Variants in MYO5B observed in about 807,000 individuals in gnomAD.
MYO5B encodes unconventional myosin-Vb.
A neutral mutation model predicts 229.3 loss-of-function variants in MYO5B; 143 were observed. The ratio of observed to expected loss-of-function variants is 0.62; its 90% CI spans 0.54 to 0.72. The LOEUF is 0.72. MYO5B is among the 30% of genes least tolerant of loss of function. The pLI is 0.00. For missense variants in MYO5B, 2,321 were observed against 2,331.0 expected, an observed-to-expected ratio of 1.00 and a Z score of 0.09; for synonymous variants, 918 against 885.2, an observed-to-expected ratio of 1.04 and a Z score of -0.66.
At chr18:49,887,843 G>A (rs2024661995) in intron 22 of MYO5B, among the ~76,000 whole-genome samples, 1 of 98,548 alleles carries the variant, frequency 1.0e-5, no homozygotes, top group Non-Finnish European at 2.4e-5. Flanking sequence ...ACCAAGCCCG[G>A]CTAATTTTTT....
rs201441660 is a variant in MYO5B at position 49,868,517 on chromosome 18, T to C, written c.3603+3650A>G. Among the ~76,000 whole-genome samples, 31 of 152,340 alleles carry C rather than the reference T, an allele frequency of 2.0e-4. No homozygotes were observed. The South Asian group carries it at 2.7e-3, about 13-fold the overall frequency. On this transcript the variant is annotated intron_variant, in intron 27 of 39. Coordinates refer to ENST00000285039, the MANE Select transcript of MYO5B (RefSeq NM_001080467.3). ...CTGATTTGAATCCAGCTCTGGCTGA[T>C]AGCAGGTCGATAAAGAAAAACCAAC... is the stretch of plus-strand genomic sequence containing the variant.
chr18:50,087,039 G>C (rs2031345197), intron 1 of MYO5B, among the ~76,000 whole-genome samples: 1 of 152,206 alleles, frequency 6.6e-6, no homozygotes, highest in Non-Finnish European at 1.5e-5. Flanking sequence ...AAACTGCTAA[G>C]TGAGTCTCAC....
chr18:49,983,204 T>G (rs1328205132), intron 8 of MYO5B, among the ~76,000 whole-genome samples: 1 of 152,196 alleles, frequency 6.6e-6, no homozygotes, highest in East Asian at 1.9e-4. Context: ...CTTTGCCTAC[T>G]GGTAGAATGT....
At chr18:50,046,862 G>A (rs909714860) in intron 2 of MYO5B, among the ~76,000 whole-genome samples, 30 of 152,228 alleles carry the variant, frequency 2.0e-4, no homozygotes, top group Non-Finnish European at 3.7e-4. Context: ...TTAATAAATG[G>A]TGCTGGGAAA....
chr18:50,165,472 T>A (rs2032833648), intron 1 of MYO5B, among the ~76,000 whole-genome samples: 1 of 140,864 alleles, frequency 7.1e-6, no homozygotes, highest in South Asian at 2.4e-4. Context: ...AGCATAAGAC[T>A]GTGTTTCAAA....
At position 49,878,939 on chromosome 18, in the gene MYO5B, C is replaced by T. The variant is rs2144104808; in HGVS notation, c.3276+6G>A. On this transcript the variant is annotated splice_donor_region_variant and intron_variant, in intron 24 of 39. Transcript: ENST00000285039. ...TGCCATGGCACAGCAGAAGCACCCC[C>T]CTTGCCTTTATGATGGTCATTTCAT... 5.6e-6 allele frequency: 9 copies of T among 1,614,140 alleles called. No individual in the cohort carries two copies. The highest frequency in any genetic ancestry group is 7.6e-6 in the Non-Finnish European group (9 of 1,180,012).
At chr18:49,940,292 G>C (rs2025299988) in intron 14 of MYO5B, among the ~76,000 whole-genome samples, 1 of 152,162 alleles carries the variant, frequency 6.6e-6, no homozygotes, top group Non-Finnish European at 1.5e-5. Flanking sequence ...AGAGATACCT[G>C]ACAGTACAGA....
chr18:50,124,574 A>T (rs1329464451), intron 1 of MYO5B, among the ~76,000 whole-genome samples: 1 of 152,212 alleles, frequency 6.6e-6, no homozygotes, highest in Non-Finnish European at 1.5e-5. Flanking sequence ...TTGAAGAATA[A>T]TACCCTGTAA....
Position 50,131,516 on chromosome 18 carries a change from C to G in MYO5B, c.27+63251G>C, listed in dbSNP as rs551744568. Among the ~76,000 whole-genome samples the G allele has an allele frequency of 2.6e-5, 4 of 152,228 alleles. No individual in the cohort carries two copies. The South Asian group carries it at 8.3e-4, about 32-fold the overall frequency. ...CCTACAGACACTTTCAATCAAGCCA[C>G]CTTTCTGACATTGGCCACAAGCATT... On this transcript the variant is annotated intron_variant, in intron 1 of 39. Transcript: ENST00000285039.
At chr18:49,925,892 C>A (rs1653861109) in intron 17 of MYO5B, among the ~76,000 whole-genome samples, 1 of 152,232 alleles carries the variant, frequency 6.6e-6, no homozygotes, top group Admixed American at 6.5e-5. Flanking sequence ...CACCCATTGC[C>A]TGAGCCCCAT....
chr18:49,846,828 C>T (rs975404653), intron 33 of MYO5B, among the ~76,000 whole-genome samples: 4 of 151,966 alleles, frequency 2.6e-5, no homozygotes, highest in African/African-American at 9.7e-5. Context: ...GAGAGCTGCA[C>T]CAAGGAAAGG....
rs997307990 is a variant in MYO5B, at chr18:49,995,913, C to G, written c.613-3482G>C. ...AAAACAAAACAGAAACTAAAGCAGC[C>G]TCTAAATTTTACTATTCCTTTACAG... On this transcript the variant is annotated intron_variant, in intron 5 of 39. Transcript: ENST00000285039. Among the ~76,000 whole-genome samples the G allele has an allele frequency of 3.3e-5, 5 of 152,278 alleles. No homozygotes were observed. The East Asian group carries it at 9.7e-4, about 29-fold the overall frequency.
At chr18:49,966,669 T>C (rs1163039798) in intron 10 of MYO5B, among the ~76,000 whole-genome samples, 1 of 152,254 alleles carries the variant, frequency 6.6e-6, no homozygotes, top group East Asian at 1.9e-4. Flanking sequence ...ATCTCAGACT[T>C]GTCATTTTCT....
At chr18:49,912,531 G>A (rs554096671) in intron 17 of MYO5B, among the ~76,000 whole-genome samples, 1 of 152,306 alleles carries the variant, frequency 6.6e-6, no homozygotes, top group Non-Finnish European at 1.5e-5. Flanking sequence ...GGTACCCAGT[G>A]GGAGATAACT....
intron 1 of MYO5B, among the ~76,000 whole-genome samples, chr18:50,092,908 G>A (rs569096044): frequency 6.6e-5 from 10 of 151,964 alleles, no homozygotes; most frequent in African/African-American, 9.7e-5. Context: ...AATACATAAA[G>A]GAAAATGACT....
At chr18:49,978,694 T>TACACACACACACACACACAC (rs10527520) in intron 9 of MYO5B, among the ~76,000 whole-genome samples, 22 of 139,210 alleles carry the variant, frequency 1.6e-4, no homozygotes, top group African/African-American at 2.2e-4. Flanking sequence ...CAGCAAGTAA[T>TACACACACACACACACACAC]ACACACACAC....
At chr18:50,183,701 C>T (rs1000793664) in intron 1 of MYO5B, among the ~76,000 whole-genome samples, 3 of 151,806 alleles carry the variant, frequency 2.0e-5, no homozygotes, top group African/African-American at 7.3e-5. Context: ...AATCATTTGT[C>T]CTCAAAGCTC....
chr18:50,066,838 CA>C (rs1397398535), intron 1 of MYO5B, among the ~76,000 whole-genome samples: 1 of 152,196 alleles, frequency 6.6e-6, no homozygotes, highest in Non-Finnish European at 1.5e-5. Context: ...GGAACCGAAT[CA>C]TTCTCTGGAG....
chr18:49,902,743 T>C lies in MYO5B; in HGVS notation c.2662A>G (p.Ile888Val), dbSNP rs774374760. The C allele has an allele frequency of 9.3e-6, 15 of 1,608,802 alleles. No individual in the cohort carries two copies. The Admixed American group carries it at 1.3e-4, about 14-fold the overall frequency. ...ATCCGGAAGGCACACTGGATGACAA[T>C]GGCTGCATCCCGCAGCCGCTGGAAG... ...RHFQRLRDAA[I>V]VIQCAFRMLK... is the part of the protein sequence containing the mutation. The change falls in exon 21 of 40, where the codon ATT (isoleucine) becomes GTT (valine). Residue 888 changes from isoleucine (I) to valine (V), a missense_variant. Ile to Val is a conservative substitution (Grantham distance 29, BLOSUM62 3). Coordinates refer to ENST00000285039, the MANE Select transcript of MYO5B (RefSeq NM_001080467.3).
Sources: allele counts gnomAD v4.1 joint callset (sites outside exome capture counted in the v4.1 genomes callset), GRCh38; gene constraint gnomAD v4.1.1; transcripts MANE v1.5; gene names NCBI Gene and HGNC (gene_info 2026-07-23, HGNC 2026-07-21).